The following PIK3C2A variants were observed in gnomAD, a reference collection of about 807,000 sequenced individuals.
The protein encoded by PIK3C2A is phosphatidylinositol 4-phosphate 3-kinase C2 domain-containing subunit alpha.
Under a neutral mutation model 204.5 loss-of-function variants are expected in PIK3C2A, and 97 were observed. The ratio of observed to expected loss-of-function variants is 0.47; its 90% CI spans 0.40 to 0.56. The LOEUF (loss-of-function observed/expected upper bound fraction) is 0.56, where lower values mean the gene tolerates loss of function less well. PIK3C2A is among the 20% of genes least tolerant of loss of function. PIK3C2A has a pLI of 0.00. For synonymous variants in PIK3C2A, 653 were observed against 664.4 expected (o/e 0.98, Z 0.26); for missense variants, 1,735 against 1,969.2 (o/e 0.88, Z 2.25).
chr11:17,195,912 G>A lies in PIK3C2A; in HGVS notation c.-66+11936C>T, dbSNP rs368271888. Among the ~76,000 whole-genome samples the A allele has an allele frequency of 7.4e-4, 111 of 150,836 alleles. 1 individual carries two copies. In the South Asian group the frequency reaches 0.021, roughly 28 times the overall value. Reference sequence around the variant, plus strand: ...AAATTAGCCAGGCATGGTGGCAGGCGCCTGCAGTCCCAGCTACTTGGGAGG... The same window carrying A: ...AAATTAGCCAGGCATGGTGGCAGGCACCTGCAGTCCCAGCTACTTGGGAGG... On this transcript the variant is annotated intron_variant, in intron 1 of 32. Coordinates refer to ENST00000691414, the MANE Select transcript of PIK3C2A (RefSeq NM_002645.4).
At chr11:17,130,945 G>C (rs961375015) in intron 12 of PIK3C2A, among the ~76,000 whole-genome samples, 9 of 151,846 alleles carry the variant, frequency 5.9e-5, no homozygotes, top group Admixed American at 5.3e-4. Flanking sequence ...CCAGCACTTT[G>C]GGAGGCCGAG....
At chr11:17,095,963 T>C (rs1848442793) in intron 27 of PIK3C2A, among the ~76,000 whole-genome samples, 1 of 150,360 alleles carries the variant, frequency 6.7e-6, no homozygotes, top group South Asian at 2.1e-4. Flanking sequence ...AAAATAAAAA[T>C]AAATAAAAAG....
chr11:17,116,414 G>C, intron 19 of PIK3C2A, among the ~76,000 whole-genome samples: 1 of 152,128 alleles, frequency 6.6e-6, no homozygotes, highest in South Asian at 2.1e-4. Flanking sequence ...AGGATGTGGT[G>C]AAACTGGAAC....
chr11:17,107,425 T>C (rs1490291798), intron 22 of PIK3C2A, among the ~76,000 whole-genome samples: 1 of 152,130 alleles, frequency 6.6e-6, no homozygotes, highest in African/African-American at 2.4e-5. Flanking sequence ...TCAAAAATAA[T>C]GTTAAAGACA....
chr11:17,197,792 C>A (rs1342666856), intron 1 of PIK3C2A, among the ~76,000 whole-genome samples: 1 of 152,160 alleles, frequency 6.6e-6, no homozygotes, highest in Non-Finnish European at 1.5e-5. Flanking sequence ...CCAATTCCAA[C>A]ATGACAGATA....
chr11:17,140,123 G>A (rs1000115410), intron 8 of PIK3C2A, among the ~76,000 whole-genome samples: 1 of 152,078 alleles, frequency 6.6e-6, no homozygotes, highest in Non-Finnish European at 1.5e-5. Flanking sequence ...CAAAACCTCT[G>A]CAACTTCCTA....
At position 17,117,467 on chromosome 11, in the gene PIK3C2A, A is replaced by G. The variant is rs1565252530; in HGVS notation, c.3216+24T>C. On this transcript the variant is annotated intron_variant, in intron 19 of 32. Coordinates refer to ENST00000691414, the MANE Select transcript of PIK3C2A (RefSeq NM_002645.4). ...TCCTTCCTTTAACATTAACACATTT[A>G]TATTACCTTTTATGGGTACATACCT... 4 of 1,536,278 alleles carry G rather than the reference A, an allele frequency of 2.6e-6. No homozygotes were observed. In the South Asian group the frequency reaches 3.4e-5, roughly 13 times the overall value.
intron 2 of PIK3C2A, among the ~76,000 whole-genome samples, chr11:17,167,035 A>G (rs1161552615): frequency 2.0e-5 from 3 of 152,056 alleles, no homozygotes; most frequent in African/African-American, 7.2e-5. Context: ...CAGTGGTACA[A>G]TCATGGGTCA....
intron 2 of PIK3C2A, among the ~76,000 whole-genome samples, chr11:17,159,959 A>G (rs1421795652): frequency 6.6e-6 from 1 of 152,228 alleles, no homozygotes; most frequent in Non-Finnish European, 1.5e-5. Flanking sequence ...CAGGCCTTCA[A>G]CTAATTGGAT....
At chr11:17,119,399 C>T (rs1488754812) in intron 16 of PIK3C2A, 86 bp from the exon 17 acceptor site, 1 of 772,498 alleles carries the variant, frequency 1.3e-6, no homozygotes, top group African/African-American at 1.7e-5. Flanking sequence ...TCAATCTGGT[C>T]CTGACAAAGA....
At chr11:17,094,418 T>C (rs1359958438) in intron 27 of PIK3C2A, 33 bp from the exon 28 acceptor site, 3 of 1,581,528 alleles carry the variant, frequency 1.9e-6, no homozygotes, top group Non-Finnish European at 1.7e-6. Context: ...ACACATAAAA[T>C]TTATATTTAA....
intron 2 of PIK3C2A, among the ~76,000 whole-genome samples, chr11:17,156,719 T>G (rs1450539716): frequency 6.6e-6 from 1 of 152,212 alleles, no homozygotes; most frequent in Non-Finnish European, 1.5e-5. Context: ...CTTTAAAACA[T>G]GTCAGAGCCC....
chr11:17,109,878 T>G (rs147313176), intron 22 of PIK3C2A, among the ~76,000 whole-genome samples: 2 of 152,200 alleles, frequency 1.3e-5, no homozygotes, highest in African/African-American at 4.8e-5. Context: ...GACCATACAG[T>G]CCTCACTGGG....
At chr11:17,204,362 T>C (rs1216604254) in intron 1 of PIK3C2A, 2 of 152,244 alleles carry the variant, frequency 1.3e-5, no homozygotes, top group East Asian at 1.9e-4. Context: ...CTGCTTTATA[T>C]ATGTAGTCGA....
chr11:17,168,851 A>C lies in PIK3C2A; in HGVS notation c.891T>G (p.Ser297Arg). The C allele has an allele frequency of 6.2e-7, 1 of 1,614,082 alleles. No individual in the cohort carries two copies. The highest frequency in any genetic ancestry group is 8.5e-7 in the Non-Finnish European group (1 of 1,180,014). ...LDHEEEKNVS[S>R]LLAKDPWDAV... Reference sequence around the variant, plus strand: ...CATCCCAAGGATCCTTTGCTAGCAAACTTGAAACATTTTTCTCTTCCTCAT... The same window carrying C: ...CATCCCAAGGATCCTTTGCTAGCAACCTTGAAACATTTTTCTCTTCCTCAT... The change falls in exon 2 of 33, where the codon AGT becomes AGG. Residue 297 changes from serine to arginine, a missense_variant. Ser to Arg is a moderately radical substitution (Grantham distance 110). Transcript: ENST00000691414.
At chr11:17,157,251 G>A (rs565937691) in intron 2 of PIK3C2A, among the ~76,000 whole-genome samples, 40 of 152,190 alleles carry the variant, frequency 2.6e-4, no homozygotes, top group African/African-American at 9.4e-4. Context: ...CCTGAGGTCA[G>A]GAGTTCAAGA....
At chr11:17,097,309 T>A in intron 26 of PIK3C2A, 45 bp from the exon 27 acceptor site, 1 of 1,181,962 alleles carries the variant, frequency 8.5e-7, no homozygotes, top group Non-Finnish European at 1.2e-6. Context: ...TGAGAACACA[T>A]GGTAAATTCT....
At chr11:17,124,773 T>A (rs1202696753) in intron 13 of PIK3C2A, among the ~76,000 whole-genome samples, 1 of 152,240 alleles carries the variant, frequency 6.6e-6, no homozygotes, top group Non-Finnish European at 1.5e-5. Context: ...AGAAAAAGTT[T>A]GTTAACTCTT....
chr11:17,155,527 T>C lies in PIK3C2A; in HGVS notation c.1168A>G (p.Lys390Glu), dbSNP rs1165226914. The C allele has an allele frequency of 6.5e-7, 1 of 1,549,134 alleles. No homozygotes were observed. Among genetic ancestry groups the C allele is most frequent in the Admixed American group, 1.7e-5 (1 of 59,326 alleles). The change falls in exon 3 of 33, where the codon AAA (lysine) becomes GAA (glutamate). Residue 390 changes from lysine (K) to glutamate (E), a missense_variant and splice_region_variant. Transcript: ENST00000691414. Reference sequence around the variant, plus strand: ...CATTTATAAAGAAAAATTCCTTACTTTGTAATGGATCGACAAAAAGCTGCC... The same window carrying C: ...CATTTATAAAGAAAAATTCCTTACTCTGTAATGGATCGACAAAAAGCTGCC... ...EMAAFCRSIT[K>E]LKTKFPYTNH...
Sources: gnomAD v4.1 joint callset for allele counts (sites outside exome capture counted in the v4.1 genomes callset) on GRCh38, gnomAD v4.1.1 for gene constraint, MANE v1.5 for transcripts, NCBI Gene and HGNC (gene_info 2026-07-23, HGNC 2026-07-21) for gene names.